TEX36: variants seen among roughly 807,000 people sequenced by gnomAD.
TEX36 encodes testis-expressed protein 36.
TEX36 carries 12 observed loss-of-function variants against 13.6 expected under a neutral mutation model. That is an observed-to-expected ratio of 0.88 (90% CI 0.56 to 1.43). The LOEUF (loss-of-function observed/expected upper bound fraction) is 1.43. Among genes scored for constraint, TEX36 ranks in the 40% most tolerant of loss-of-function variants. TEX36 has a pLI of 0.00. For synonymous variants in TEX36, 93 were observed against 83.0 expected (o/e 1.12, Z -0.65); for missense variants, 224 against 228.3 (o/e 0.98, Z 0.12).
At chr10:125,656,896 C>A (rs1419279854) in intron 3 of TEX36, among the ~76,000 whole-genome samples, 1 of 152,074 alleles carries the variant, frequency 6.6e-6, no homozygotes, top group Non-Finnish European at 1.5e-5. Flanking sequence ...CCCCCCAGCA[C>A]TCAGTGGGAC....
chr10:125,576,716 G>A (rs187966398), exon 4 of TEX36: 24 of 1,534,302 alleles, frequency 1.6e-5, no homozygotes, highest in East Asian at 2.4e-5. Context: ...AGGACTCTGG[G>A]GAATGGGTGA....
intron 3 of TEX36, among the ~76,000 whole-genome samples, chr10:125,594,250 T>A (rs900408938): frequency 1.3e-5 from 2 of 152,352 alleles, no homozygotes; most frequent in African/African-American, 4.8e-5. Context: ...GACAATTTGC[T>A]AGATATATAT....
chr10:125,643,049 C>T (rs1198514523), intron 3 of TEX36, among the ~76,000 whole-genome samples: 1 of 152,156 alleles, frequency 6.6e-6, no homozygotes, highest in Non-Finnish European at 1.5e-5. Flanking sequence ...GGGTCCAGGG[C>T]ATTTGACGAG....
chr10:125,668,293 C>G (rs1847160702), intron 1 of TEX36, among the ~76,000 whole-genome samples: 1 of 150,908 alleles, frequency 6.6e-6, no homozygotes, highest in Non-Finnish European at 1.5e-5. Flanking sequence ...CAGTTCTGGA[C>G]TTTTCTTTGT....
intron 3 of TEX36, among the ~76,000 whole-genome samples, chr10:125,581,266 A>C (rs1845878293): frequency 6.6e-6 from 1 of 152,056 alleles, no homozygotes; most frequent in Non-Finnish European, 1.5e-5. Context: ...AAACACCCCC[A>C]GCCTCCCATT....
At chr10:125,667,221 C>A (rs76828789) in intron 1 of TEX36, 10 of 635,236 alleles carry the variant, frequency 1.6e-5, no homozygotes, top group Non-Finnish European at 3.0e-5. Flanking sequence ...CGTGAGAAAA[C>A]TTCTGGATGC....
At chr10:125,587,585 A>T (rs929180333) in intron 3 of TEX36, among the ~76,000 whole-genome samples, 6 of 152,094 alleles carry the variant, frequency 3.9e-5, no homozygotes, top group Non-Finnish European at 8.8e-5. Flanking sequence ...TCAGGAGATC[A>T]AGACCAATCT....
intron 1 of TEX36, chr10:125,667,092 G>A: frequency 9.4e-7 from 1 of 1,064,230 alleles, no homozygotes; most frequent in Non-Finnish European, 1.4e-6. Context: ...ACTTGTTAAT[G>A]GCGTTGAGGT....
chr10:125,638,718 C>T (rs1205499775), intron 3 of TEX36, among the ~76,000 whole-genome samples: 1 of 152,238 alleles, frequency 6.6e-6, no homozygotes, highest in Admixed American at 6.5e-5. Context: ...CCTCCCCTAG[C>T]ACCTTGAACT....
intron 3 of TEX36, among the ~76,000 whole-genome samples, chr10:125,639,205 T>C (rs1846654635): frequency 6.6e-6 from 1 of 152,226 alleles, no homozygotes; most frequent in South Asian, 2.1e-4. Context: ...TGAGATAATA[T>C]GTATCCAATA....
intron 3 of TEX36, among the ~76,000 whole-genome samples, chr10:125,589,415 C>T (rs953601073): frequency 3.3e-5 from 5 of 152,158 alleles, no homozygotes; most frequent in Non-Finnish European, 7.3e-5. Context: ...AGTGGCCACC[C>T]TTGTCTTATA....
At chr10:125,633,604 CT>C (rs1846587262) in intron 3 of TEX36, among the ~76,000 whole-genome samples, 1 of 152,168 alleles carries the variant, frequency 6.6e-6, no homozygotes, top group Admixed American at 6.5e-5. Context: ...AAGCAGACGG[CT>C]TTTTAGTTGC....
At chr10:125,655,687 C>T (rs533158385), downstream of TEX36, 3 of 1,244,552 alleles carry the variant, frequency 2.4e-6, no homozygotes, top group African/African-American at 4.6e-5. Context: ...TTAAAACTCC[C>T]CAAAAGTAAA....
At chr10:125,646,898 A>G (rs948958134) in intron 3 of TEX36, among the ~76,000 whole-genome samples, 2 of 152,202 alleles carry the variant, frequency 1.3e-5, no homozygotes, top group Admixed American at 6.5e-5. Flanking sequence ...GGCAAATTCT[A>G]TAGGTATTTG....
intron 3 of TEX36, among the ~76,000 whole-genome samples, chr10:125,584,073 A>G (rs932222545): frequency 9.8e-5 from 15 of 152,322 alleles, no homozygotes; most frequent in African/African-American, 3.1e-4. Context: ...TGCTGCCACT[A>G]TGCAAAAAAG....
At chr10:125,634,171 C>T (rs895880909) in intron 3 of TEX36, among the ~76,000 whole-genome samples, 3 of 151,996 alleles carry the variant, frequency 2.0e-5, no homozygotes, top group African/African-American at 7.3e-5. Flanking sequence ...TTTTAAAAAT[C>T]CTGTTGTCTG....
At chr10:125,611,241 C>A (rs913343556) in intron 3 of TEX36, among the ~76,000 whole-genome samples, 2 of 152,114 alleles carry the variant, frequency 1.3e-5, no homozygotes, top group African/African-American at 4.8e-5. Context: ...ATGATAAATT[C>A]TTTGAGTGAA....
intron 3 of TEX36, among the ~76,000 whole-genome samples, chr10:125,595,069 GT>G (rs1203704511): frequency 6.6e-6 from 1 of 152,186 alleles, no homozygotes; most frequent in African/African-American, 2.4e-5. Context: ...GTAAAACAGT[GT>G]TCTTTATGTC....
chr10:125,622,308 G>A (rs1279729331), intron 3 of TEX36, among the ~76,000 whole-genome samples: 1 of 152,156 alleles, frequency 6.6e-6, no homozygotes, highest in Admixed American at 6.5e-5. Context: ...TATGTTACAT[G>A]ATAAAGGAAA....
Sources: allele counts gnomAD v4.1 joint callset (sites outside exome capture counted in the v4.1 genomes callset), GRCh38; gene constraint gnomAD v4.1.1; transcripts MANE v1.5; gene names NCBI Gene and HGNC (gene_info 2026-07-23, HGNC 2026-07-21).